Variants in AGRN observed in about 807,000 individuals in gnomAD.
AGRN encodes agrin, also known as agrin proteoglycan.
A neutral mutation model predicts 211.0 loss-of-function variants in AGRN; 106 were observed. That is an observed-to-expected ratio of 0.50 (90% CI 0.43 to 0.59). The LOEUF (loss-of-function observed/expected upper bound fraction) is 0.59. Ranked by LOEUF, AGRN falls within the 20% of genes least tolerant of loss-of-function variation. AGRN has a pLI of 0.00. For synonymous variants in AGRN, 1,525 were observed against 1,332.5 expected, an observed-to-expected ratio of 1.14 and a Z score of -3.15; for missense variants, 3,040 against 2,982.6, an observed-to-expected ratio of 1.02 and a Z score of -0.45.
intron 30 of AGRN, 138 bp from the exon 31 acceptor site, chr1:1,051,115 G>C (rs1289589942): frequency 6.8e-5 from 99 of 1,465,114 alleles, no homozygotes; most frequent in South Asian, 3.7e-5. Flanking sequence ...CCCCACTAAG[G>C]ACCCTGCCAT....
At chr1:1,029,440 A>ATCAGTGTCTATGCAGGCAGGTG (rs1644601795) in intron 2 of AGRN, among the ~76,000 whole-genome samples, 1 of 4,778 alleles carries the variant, frequency 2.1e-4, no homozygotes, top group East Asian at 0.012. Context: ...GCAGGCAGGT[A>ATCAGTGTCTATGCAGGCAGGTG]GGGGGAGGGG....
Position 1,050,225 on chromosome 1 carries a change from C to T in AGRN, c.4880-8C>T, listed in dbSNP as rs748466686. The T allele has an allele frequency of 1.2e-6, 2 of 1,613,098 alleles. No individual in the cohort carries two copies. Among genetic ancestry groups the T allele is most frequent in the Non-Finnish European group, 1.7e-6 (2 of 1,179,926 alleles). The stretch of plus-strand genomic sequence containing the variant: ...TCAGGACTGAGGCCTTGGTGACTCT[C>T]CCTACAGCCTCGGGGCAGGACGGCT... On this transcript the variant is annotated splice_polypyrimidine_tract_variant and splice_region_variant and intron_variant, in intron 27 of 35. Transcript: ENST00000379370.
In AGRN at chr1:1,049,006, C is replaced by A; in HGVS notation, c.4245C>A (p.Ala1415=). The A allele has an allele frequency of 6.3e-7, 1 of 1,580,566 alleles. No homozygotes were observed. The change falls in exon 24 of 36, where the codon GCC becomes GCA. Residue 1415 remains alanine, a synonymous_variant. Transcript: ENST00000379370. ...GGCTGCTGCTGTACAATGGCAACGCCCGGGGCAAGGACTTCCTGGCATTGG... is the reference window on the plus strand; with the variant it reads ...GGCTGCTGCTGTACAATGGCAACGCACGGGGCAAGGACTTCCTGGCATTGG... The part of the protein sequence containing the change: ...PQGLLLYNGN[A]RGKDFLALAL...
chr1:1,046,517 C>T lies in AGRN; in HGVS notation c.3032C>T (p.Thr1011Ile). Reference protein sequence around the residue: ...PGALPLAPSSTAHSQTTPPPS... With the variant: ...PGALPLAPSSIAHSQTTPPPS... ...GCCCTCCCCCTGGCTCCCAGCAGTA[C>T]CGCACACAGCCAGACCACCCCTCCG... The change falls in exon 18 of 36, where the codon ACC becomes ATC. Residue 1011 changes from threonine to isoleucine, a missense_variant. Physicochemically the swap from Thr to Ile is moderately conservative, Grantham distance 89. Around this residue, in one of 3 missense-constraint regions of AGRN, gnomAD observed 1,537 missense variants for 1,505.0 expected, o/e 1.02. Coordinates refer to ENST00000379370, the MANE Select transcript of AGRN (RefSeq NM_198576.4). The T allele has an allele frequency of 6.2e-7, 1 of 1,608,844 alleles. No individual in the cohort carries two copies. The highest frequency in any genetic ancestry group is 8.5e-7 in the Non-Finnish European group (1 of 1,177,274).
chr1:1,034,228 G>C, intron 2 of AGRN: 1 of 985,316 alleles, frequency 1.0e-6, no homozygotes, highest in East Asian at 1.1e-4. Flanking sequence ...GGGGGCTCCG[G>C]GAAGACCGAG....
chr1:1,048,170 GC>G lies in AGRN; in HGVS notation c.3915del (p.Thr1306ProfsTer121). 1 of 1,579,000 alleles carries G rather than the reference GC, an allele frequency of 6.3e-7. No individual in the cohort carries two copies. Among genetic ancestry groups the G allele is most frequent in the South Asian group, 1.1e-5 (1 of 87,390 alleles). ...CCAGCCCGTTGCCAAGACCACGGCAGCCCCCACCACACGTCGGCCCCCCACC... is the reference window on the plus strand; with the variant it reads ...CCAGCCCGTTGCCAAGACCACGGCAGCCCCACCACACGTCGGCCCCCCACC... ...TSQPVAKTTAAPTTRRPPTTA... is the reference protein window; with the variant it reads ...TSQPVAKTTAXPTTRRPPTTA... On this transcript the variant is annotated frameshift_variant, in exon 23 of 36. Coordinates refer to ENST00000379370, the MANE Select transcript of AGRN (RefSeq NM_198576.4). LOFTEE classifies it high-confidence loss of function. The surrounding 1 kb of genome is among the most constrained non-coding windows in gnomAD (Gnocchi z 5.9).
In AGRN at chr1:1,043,732, G is replaced by GGTGAGT. The variant is rs1557705126; in HGVS notation, c.1798+2_1798+7dup. 1 of 1,601,398 alleles carries GGTGAGT rather than the reference G, an allele frequency of 6.2e-7. No individual in the cohort carries two copies. The highest frequency in any genetic ancestry group is 8.5e-7 in the Non-Finnish European group (1 of 1,179,772). On this transcript the variant is annotated stop_gained and protein_altering_variant and splice_region_variant. Transcript: ENST00000379370. LOFTEE classifies it high-confidence loss of function. ...GCACGTGGCCTCAGCTGGACCCTGT[G>GGTGAGT]GTGAGTGAGGCCCTGGGGCCGGGCG...
At chr1:1,041,423 T>C in intron 5 of AGRN, 26 bp downstream of exon 5, 1 of 1,547,144 alleles carries the variant, frequency 6.5e-7, no homozygotes, top group Non-Finnish European at 8.7e-7. Flanking sequence ...GGCGCACGGC[T>C]CGAGCTCTGT....
chr1:1,049,116 G>GGGGCAGCTCAGGTGGGTGGGGT, intron 24 of AGRN, 57 bp downstream of exon 24: 2 of 934,000 alleles, frequency 2.1e-6, no homozygotes, highest in African/African-American at 8.5e-5. Flanking sequence ...GGGGACGGGC[G>GGGGCAGCTCAGGTGGGTGGGGT]GGGGAGGGGG....
chr1:1,047,295 C>T, intron 19 of AGRN, 32 bp from the exon 20 acceptor site: 1 of 1,568,478 alleles, frequency 6.4e-7, no homozygotes, highest in Non-Finnish European at 8.6e-7. Context: ...CAGGCAGATG[C>T]CAGGCAGGGC....
Position 1,031,682 on chromosome 1 carries a change from G to C in AGRN, c.464-3595G>C, listed in dbSNP as rs1644679931. On this transcript the variant is annotated intron_variant, in intron 2 of 35. Transcript: ENST00000379370. The surrounding 1 kb of genome is among the most constrained non-coding windows in gnomAD (Gnocchi z 4.8). ...CTGGCAGATCCCAGGGTCTCTCTGTGTGGGGGCAAACTTCCCAGGCAGTGT... is the reference window on the plus strand; with the variant it reads ...CTGGCAGATCCCAGGGTCTCTCTGTCTGGGGGCAAACTTCCCAGGCAGTGT... 6.6e-6 allele frequency among the ~76,000 whole-genome samples: 1 copy of C among 152,178 alleles called. No individual in the cohort carries two copies. The highest frequency in any genetic ancestry group is 1.5e-5 in the Non-Finnish European group (1 of 68,028).
In AGRN at chr1:1,049,735, GC is replaced by G; in HGVS notation, c.4688del (p.Pro1563HisfsTer86). ...CCTGCCCAACCCCTGCCATGGCGGG[GC>G]CCCATGCCAGAACCTGGAGGCTGGA... ...PCLPNPCHGG[A>X]PCQNLEAGRF... On this transcript the variant is annotated frameshift_variant, in exon 26 of 36. Transcript: ENST00000379370. LOFTEE classifies it high-confidence loss of function. The G allele has an allele frequency of 6.3e-7, 1 of 1,580,830 alleles. No individual in the cohort carries two copies. Among genetic ancestry groups the G allele is most frequent in the Non-Finnish European group, 8.6e-7 (1 of 1,165,358 alleles).
At chr1:1,021,801 C>T (rs1387363970) in intron 1 of AGRN, among the ~76,000 whole-genome samples, 1 of 152,186 alleles carries the variant, frequency 6.6e-6, no homozygotes, top group Non-Finnish European at 1.5e-5. Context: ...AACGCCCCAT[C>T]CCCCTCCTCC....
intron 34 of AGRN, 23 bp downstream of exon 34, chr1:1,054,000 C>T (rs765045288): frequency 1.3e-5 from 20 of 1,573,020 alleles, no homozygotes; most frequent in South Asian, 1.2e-4. Flanking sequence ...CCCAGCGTGC[C>T]GAGAATAGTG....
intron 3 of AGRN, among the ~76,000 whole-genome samples, chr1:1,038,841 G>A (rs190897854): frequency 7.9e-5 from 12 of 152,354 alleles, no homozygotes; most frequent in Admixed American, 7.8e-4. Context: ...AAAGGGAGAG[G>A]GAGATGCTGA....
Position 1,044,239 on chromosome 1 carries a change from G to T in AGRN, c.2130G>T (p.Gln710His), listed in dbSNP as rs1445620099. ...DGPCVCDFSCQSVPGSPVCGS... is the reference protein window; with the variant it reads ...DGPCVCDFSCHSVPGSPVCGS... ...CGTGTGTCTGTGACTTCAGCTGCCA[G>T]AGTGTCCCAGGCAGCCCGGTGAGCT... is the stretch of plus-strand genomic sequence containing the variant. Residue 710 changes from glutamine (Q) to histidine (H), a missense_variant, in exon 11 of 36, where the codon CAG becomes CAT. By Grantham distance (24) the Gln-to-His change is conservative (BLOSUM62 0). This residue lies in a region of AGRN where 1,498 missense variants were observed against 1,457.8 expected (regional missense o/e 1.03). Transcript: ENST00000379370. The T allele has an allele frequency of 6.2e-7, 1 of 1,612,962 alleles. No individual in the cohort carries two copies. The highest frequency in any genetic ancestry group is 1.1e-5 in the South Asian group (1 of 91,076).
In AGRN at chr1:1,048,937, C is replaced by G; in HGVS notation, c.4176C>G (p.His1392Gln). 2 of 1,564,990 alleles carry G rather than the reference C, an allele frequency of 1.3e-6. No individual in the cohort carries two copies. Among genetic ancestry groups the G allele is most frequent in the Non-Finnish European group, 1.7e-6 (2 of 1,156,190 alleles). Residue 1392 changes from histidine to glutamine, a missense_variant, in exon 24 of 36, where the codon CAC (histidine) becomes CAG (glutamine). Transcript: ENST00000379370. This position sits in a 1 kb window ranked among gnomAD's most constrained non-coding sequence, Gnocchi z 5.9. ...FLAFPTLRAY[H>Q]TLRLALEFRA... ...CCTTCCCCACTCTCCGCGCCTACCA[C>G]ACGCTGCGCCTGGCACTGGAATTCC...
At chr1:1,054,067 G>A in intron 34 of AGRN, 90 bp downstream of exon 34, 1 of 1,402,466 alleles carries the variant, frequency 7.1e-7, no homozygotes, top group Non-Finnish European at 9.8e-7. Context: ...GTGACCAGGG[G>A]TCAGGGAGGA....
intron 12 of AGRN, 106 bp from the exon 13 acceptor site, chr1:1,045,055 G>A (rs1488717115): frequency 7.9e-6 from 10 of 1,272,356 alleles, no homozygotes; most frequent in Admixed American, 3.4e-5. Flanking sequence ...AGCTGGGATC[G>A]GGACGGCTGA....
Sources: allele counts gnomAD v4.1 joint callset (sites outside exome capture counted in the v4.1 genomes callset), GRCh38; gene constraint gnomAD v4.1.1; regional missense constraint gnomAD v4.1.1; non-coding constraint Gnocchi (gnomAD v3.1); transcripts MANE v1.5; gene names NCBI Gene and HGNC (gene_info 2026-07-23, HGNC 2026-07-21).